FHIT: variants seen among roughly 807,000 people sequenced by gnomAD.
FHIT encodes bis(5'-adenosyl)-triphosphatase.
Under a neutral mutation model 17.9 loss-of-function variants are expected in FHIT, and 19 were observed. The observed-to-expected ratio is 1.06, with a 90% CI of 0.74 to 1.56. The LOEUF is 1.56. FHIT is among the 40% of genes most tolerant of loss of function. FHIT has a pLI of 0.00. For synonymous variants in FHIT, 81 were observed against 69.7 expected, an observed-to-expected ratio of 1.16 and a Z score of -0.81; for missense variants, 248 against 189.2, an observed-to-expected ratio of 1.31 and a Z score of -1.82.
intron 8 of FHIT, among the ~76,000 whole-genome samples, chr3:59,793,906 G>C (rs569137782): frequency 6.6e-6 from 1 of 152,234 alleles, no homozygotes; most frequent in Admixed American, 6.5e-5. Flanking sequence ...AATGCCTTTA[G>C]CTAAGGCCCG....
Position 60,736,821 on chromosome 3 carries a change from T to C in FHIT, c.-18+85098A>G, listed in dbSNP as rs537556798. Among the ~76,000 whole-genome samples the C allele has an allele frequency of 5.9e-5, 9 of 152,216 alleles. No individual in the cohort carries two copies. The South Asian group carries it at 1.2e-3, about 21-fold the overall frequency. On this transcript the variant is annotated intron_variant, in intron 4 of 9. Coordinates refer to ENST00000492590, the MANE Select transcript of FHIT (RefSeq NM_002012.4). The stretch of plus-strand genomic sequence containing the variant: ...TTATTTCAATAAGAAAAATATCTTA[T>C]AGAAAAAAAATGGTAGCCTATTCTG...
chr3:60,979,180 C>T (rs1710384537), intron 3 of FHIT, among the ~76,000 whole-genome samples: 1 of 152,200 alleles, frequency 6.6e-6, no homozygotes, highest in Admixed American at 6.5e-5. Context: ...TTCCCTTCTT[C>T]TCAAGCTCCC....
intron 5 of FHIT, among the ~76,000 whole-genome samples, chr3:60,345,688 T>C (rs1222921552): frequency 2.0e-5 from 3 of 152,302 alleles, no homozygotes; most frequent in Admixed American, 6.5e-5. Context: ...TATGGACCTT[T>C]TAATAGGAAC....
chr3:60,981,863 A>G (rs909376540), intron 3 of FHIT, among the ~76,000 whole-genome samples: 2 of 152,108 alleles, frequency 1.3e-5, no homozygotes, highest in Non-Finnish European at 2.9e-5. Context: ...TTGGCCTCCC[A>G]AAATGCTGGG....
chr3:60,101,949 C>T (rs1704207524), intron 5 of FHIT, among the ~76,000 whole-genome samples: 1 of 152,214 alleles, frequency 6.6e-6, no homozygotes, highest in Admixed American at 6.5e-5. Flanking sequence ...CTTCCTCACT[C>T]AAGTCTAATT....
At chr3:61,047,197 G>T (rs1260367118) in intron 2 of FHIT, among the ~76,000 whole-genome samples, 1 of 152,156 alleles carries the variant, frequency 6.6e-6, no homozygotes, top group Non-Finnish European at 1.5e-5. Context: ...AATTGTTGCT[G>T]TTGGCAGATG....
At chr3:60,080,058 A>C (rs912377366) in intron 5 of FHIT, among the ~76,000 whole-genome samples, 3 of 152,130 alleles carry the variant, frequency 2.0e-5, no homozygotes, top group African/African-American at 7.2e-5. Context: ...GTAATTTTGA[A>C]AGGAGAAAAA....
At chr3:60,823,158 A>C (rs1004903707) in intron 3 of FHIT, among the ~76,000 whole-genome samples, 5 of 152,270 alleles carry the variant, frequency 3.3e-5, no homozygotes, top group African/African-American at 1.2e-4. Context: ...TCAGGCCATC[A>C]TGCTGCCTAC....
intron 5 of FHIT, among the ~76,000 whole-genome samples, chr3:60,424,182 TCA>T (rs1702578771): frequency 6.6e-6 from 1 of 152,140 alleles, no homozygotes; most frequent in Non-Finnish European, 1.5e-5. Flanking sequence ...ACGCTGAAGT[TCA>T]GAGAGGTTAA....
chr3:60,059,912 G>A (rs1702232038), intron 5 of FHIT, among the ~76,000 whole-genome samples: 1 of 152,128 alleles, frequency 6.6e-6, no homozygotes, highest in African/African-American at 2.4e-5. Context: ...TCTTCATGGG[G>A]TGATCACATC....
At chr3:60,535,304 G>T (rs1315875667) in intron 5 of FHIT, among the ~76,000 whole-genome samples, 1 of 152,058 alleles carries the variant, frequency 6.6e-6, no homozygotes, top group African/African-American at 2.4e-5. Context: ...TTAGACAAAT[G>T]GATCTTGTCT....
At chr3:60,490,075 C>T (rs553065061) in intron 5 of FHIT, among the ~76,000 whole-genome samples, 34 of 152,024 alleles carry the variant, frequency 2.2e-4, no homozygotes, top group Non-Finnish European at 3.2e-4. Context: ...TGCTGTAACT[C>T]GGAATTAAAC....
At chr3:59,932,690 C>A (rs766536290) in intron 7 of FHIT, among the ~76,000 whole-genome samples, 61 of 151,918 alleles carry the variant, frequency 4.0e-4, no homozygotes, top group Non-Finnish European at 7.6e-4. Flanking sequence ...AATCCTACTG[C>A]AATAAACAGA....
At chr3:60,984,891 T>C (rs1196694857) in intron 3 of FHIT, among the ~76,000 whole-genome samples, 1 of 151,964 alleles carries the variant, frequency 6.6e-6, no homozygotes, top group Non-Finnish European at 1.5e-5. Context: ...AAAACCATCA[T>C]TCAAACACAT....
At chr3:60,516,354 C>T (rs897873288) in intron 5 of FHIT, among the ~76,000 whole-genome samples, 4 of 152,142 alleles carry the variant, frequency 2.6e-5, no homozygotes, top group Non-Finnish European at 5.9e-5. Flanking sequence ...TAATTGCATC[C>T]TTATTTCTGC....
At chr3:61,205,648 T>C (rs1286055433) in intron 1 of FHIT, among the ~76,000 whole-genome samples, 2 of 152,208 alleles carry the variant, frequency 1.3e-5, no homozygotes, top group Non-Finnish European at 2.9e-5. Flanking sequence ...TCTTATCCTT[T>C]TCCCACTTTT....
At chr3:60,500,099 C>G (rs2034462741) in intron 5 of FHIT, among the ~76,000 whole-genome samples, 1 of 152,166 alleles carries the variant, frequency 6.6e-6, no homozygotes. Flanking sequence ...ATAGACAACT[C>G]TGTGTCTAAT....
intron 3 of FHIT, among the ~76,000 whole-genome samples, chr3:61,034,856 C>T (rs544169036): frequency 1.3e-5 from 2 of 152,210 alleles, no homozygotes; most frequent in East Asian, 3.9e-4. Context: ...GCACTATACA[C>T]AATAGCCAAA....
intron 4 of FHIT, among the ~76,000 whole-genome samples, chr3:60,588,574 G>C (rs1052114671): frequency 6.6e-6 from 1 of 152,020 alleles, no homozygotes; most frequent in African/African-American, 2.4e-5. Context: ...GCCCACTCCA[G>C]ACCAACTGAT....
Sources: allele counts gnomAD v4.1 joint callset (sites outside exome capture counted in the v4.1 genomes callset), GRCh38; gene constraint gnomAD v4.1.1; transcripts MANE v1.5; gene names NCBI Gene and HGNC (gene_info 2026-07-23, HGNC 2026-07-21).